PCGF3: variants seen among roughly 807,000 people sequenced by gnomAD.
PCGF3 encodes polycomb group RING finger protein 3.
In PCGF3, 7 loss-of-function variants were observed where a neutral mutation model predicts 33.1. The observed-to-expected ratio is 0.21, with a 90% CI of 0.12 to 0.40. PCGF3 has a LOEUF of 0.40. Among genes scored for constraint, PCGF3 ranks in the 10% least tolerant of loss-of-function variants. The pLI, the probability that PCGF3 is intolerant of heterozygous loss-of-function variation, is 1.00. For missense variants in PCGF3, 211 were observed against 313.3 expected, an observed-to-expected ratio of 0.67 and a Z score of 2.46; for synonymous variants, 153 against 121.3, an observed-to-expected ratio of 1.26 and a Z score of -1.72.
At chr4:758,254 C>T (rs976849237) in intron 8 of PCGF3, among the ~76,000 whole-genome samples, 1 of 152,038 alleles carries the variant, frequency 6.6e-6, no homozygotes, top group Non-Finnish European at 1.5e-5. Context: ...CGGCTCTCAC[C>T]GGGCACCCCC....
At chr4:755,130 G>A (rs1744711947) in intron 8 of PCGF3, among the ~76,000 whole-genome samples, 1 of 152,248 alleles carries the variant, frequency 6.6e-6, no homozygotes, top group Admixed American at 6.5e-5. Flanking sequence ...AGGCCCGCGT[G>A]GTGTCGCAGA....
chr4:765,160 G>A (rs193009186), intron 10 of PCGF3, 96 bp downstream of exon 10: 27 of 851,776 alleles, frequency 3.2e-5, no homozygotes, highest in African/African-American at 2.1e-4. Flanking sequence ...CCAGCTGGGT[G>A]CAGTGGCTCA....
rs920891700 is a variant in PCGF3, at chr4:720,651, C to A, written c.-189-9979C>A. Among the ~76,000 whole-genome samples the A allele has an allele frequency of 2.7e-5, 4 of 150,440 alleles. No homozygotes were observed. The highest frequency in any genetic ancestry group is 7.4e-5 in the African/African-American group (3 of 40,712). The stretch of plus-strand genomic sequence containing the variant: ...GACGTGCGTGTGGACCCGGGGTGGA[C>A]GGGCGGTGACGTGCGTGTGGACCCG... On this transcript the variant is annotated intron_variant, in intron 1 of 10. Transcript: ENST00000362003. This position sits in a 1 kb window ranked among gnomAD's most constrained non-coding sequence, Gnocchi z 5.6.
At chr4:762,261 A>C in intron 9 of PCGF3, 1 of 246,754 alleles carries the variant, frequency 4.1e-6, no homozygotes, top group Non-Finnish European at 6.5e-6. Flanking sequence ...ATCCCATGAC[A>C]CAAGTGAGGC....
chr4:747,651 TGGGCGGGGCCCCGGG>T, intron 8 of PCGF3, among the ~76,000 whole-genome samples: 1 of 102,076 alleles, frequency 9.8e-6, no homozygotes, highest in South Asian at 3.7e-4. Flanking sequence ...CGTGAGCAGG[TGGGCGGGGCCCCGGG>T]GTCGCTGCAG....
chr4:709,830 C>T (rs920814272), intron 1 of PCGF3, among the ~76,000 whole-genome samples: 2 of 152,224 alleles, frequency 1.3e-5, no homozygotes, highest in Non-Finnish European at 2.9e-5. Flanking sequence ...CGTGTCCCTG[C>T]GTGGTCAGCC....
intron 8 of PCGF3, among the ~76,000 whole-genome samples, chr4:750,442 GT>G (rs2152602856): frequency 6.6e-6 from 1 of 152,268 alleles, no homozygotes; most frequent in East Asian, 1.9e-4. Flanking sequence ...TTGCTGGTTG[GT>G]GTGGTGGGTA....
At chr4:717,491 C>A (rs889802075) in intron 1 of PCGF3, among the ~76,000 whole-genome samples, 3 of 152,140 alleles carry the variant, frequency 2.0e-5, no homozygotes, top group Non-Finnish European at 4.4e-5. Flanking sequence ...GGGATTCTCC[C>A]GTCTCAGCCT....
At chr4:763,276 C>T (rs2152624921) in intron 9 of PCGF3, among the ~76,000 whole-genome samples, 1 of 152,216 alleles carries the variant, frequency 6.6e-6, no homozygotes, top group Admixed American at 6.5e-5. Context: ...CTTGGATTTT[C>T]ATGTGGAGGT....
chr4:721,162 A>G lies in PCGF3; in HGVS notation c.-189-9468A>G, dbSNP rs115680506. Among the ~76,000 whole-genome samples, 193 of 152,016 alleles carry G rather than the reference A, an allele frequency of 1.3e-3. 1 individual carries two copies. Among genetic ancestry groups the G allele is most frequent in the African/African-American group, 4.4e-3 (183 of 41,470 alleles). ...GATTTCATGGATGTTTGTGAAACCA[A>G]CCTCACTGCCCCATTACAACAGTGC... On this transcript the variant is annotated intron_variant, in intron 1 of 10. Coordinates refer to ENST00000362003, the Ensembl canonical transcript of PCGF3. This position sits in a 1 kb window ranked among gnomAD's most constrained non-coding sequence, Gnocchi z 4.1.
chr4:721,898 G>A lies in PCGF3; in HGVS notation c.-189-8732G>A, dbSNP rs557361623. 1.7e-4 allele frequency among the ~76,000 whole-genome samples: 26 copies of A among 149,670 alleles called. No individual in the cohort carries two copies. The highest frequency in any genetic ancestry group is 1.4e-3 in the Admixed American group (22 of 15,176). On this transcript the variant is annotated intron_variant, in intron 1 of 10. Coordinates refer to ENST00000362003, the Ensembl canonical transcript of PCGF3. This position sits in a 1 kb window ranked among gnomAD's most constrained non-coding sequence, Gnocchi z 4.1. ...TGGATGGGTGGCTCTGCGTGTGGGC[G>A]TGGAGAGAGGCCTGTGGGAGGTGGG... is the stretch of plus-strand genomic sequence containing the variant.
At position 766,097 on chromosome 4, in the gene PCGF3, CCA is replaced by C. The variant is rs918279604; in HGVS notation, c.*21_*22del. ...TGCTGTGAATGGTGCCACACAGCGC[CCA>C]CAGACTGGGCCCTCGCACCCTTGGG... On this transcript the variant is annotated 3_prime_UTR_variant, in exon 11 of 11. Coordinates refer to ENST00000362003, the Ensembl canonical transcript of PCGF3. 14 of 1,612,310 alleles carry C rather than the reference CCA, an allele frequency of 8.7e-6. No homozygotes were observed. In the African/African-American group the frequency reaches 1.9e-4, roughly 22 times the overall value.
Position 731,010 on chromosome 4 carries a change from GC to G in PCGF3, c.-109del. 2.5e-6 allele frequency: 1 copy of G among 398,612 alleles called. No individual in the cohort carries two copies. The highest frequency in any genetic ancestry group is 4.4e-6 in the Non-Finnish European group (1 of 225,958). The allele number at this position is 398,612 out of a possible 1,614,324, so 24.7% of individuals were successfully genotyped here. ...CCAGGGCCGGAAGGAGGGTGCAGAA[GC>G]GAGTCCGCGTGCGGAGCCAGGAGGC... On this transcript the variant is annotated 5_prime_UTR_variant, in exon 3 of 11. An upstream open reading frame in the 5' UTR loses its in-frame stop. Transcript: ENST00000362003.
intron 8 of PCGF3, 99 bp from the exon 9 acceptor site, chr4:761,180 G>A (rs778531129): frequency 2.0e-6 from 2 of 1,003,488 alleles, no homozygotes; most frequent in Non-Finnish European, 2.8e-6. Flanking sequence ...AAGGTCAGCA[G>A]TCCTAGATTG....
intron 6 of PCGF3, among the ~76,000 whole-genome samples, chr4:740,937 G>A (rs1405335955): frequency 6.6e-6 from 1 of 152,162 alleles, no homozygotes; most frequent in Non-Finnish European, 1.5e-5. Context: ...GCATTGGGAC[G>A]TTTTCATGAC....
intron 8 of PCGF3, among the ~76,000 whole-genome samples, chr4:753,917 G>C (rs749591995): frequency 7.9e-5 from 12 of 152,214 alleles, no homozygotes; most frequent in Non-Finnish European, 1.6e-4. Flanking sequence ...TGGGTAACAA[G>C]AGCGAGACTC....
chr4:726,425 G>T (rs1743335925), intron 1 of PCGF3, among the ~76,000 whole-genome samples: 1 of 152,374 alleles, frequency 6.6e-6, no homozygotes, highest in Middle Eastern at 3.4e-3. Context: ...GCACAGCCGG[G>T]CCACGATGGC....
At chr4:733,442 G>A (rs535779097) in intron 3 of PCGF3, among the ~76,000 whole-genome samples, 5 of 152,318 alleles carry the variant, frequency 3.3e-5, no homozygotes, top group African/African-American at 4.8e-5. Flanking sequence ...AAGCCAGTGC[G>A]GGGGAGCCGG....
chr4:738,303 T>C (rs1743923929), intron 6 of PCGF3, among the ~76,000 whole-genome samples: 1 of 152,222 alleles, frequency 6.6e-6, no homozygotes, highest in Non-Finnish European at 1.5e-5. Flanking sequence ...AATCATACTG[T>C]TAGAGGCTTC....
Sources: allele counts gnomAD v4.1 joint callset (sites outside exome capture counted in the v4.1 genomes callset), GRCh38; gene constraint gnomAD v4.1.1; non-coding constraint Gnocchi (gnomAD v3.1); transcripts MANE v1.5; gene names NCBI Gene and HGNC (gene_info 2026-07-23, HGNC 2026-07-21).